The following RAD51B variants were observed in gnomAD, a reference collection of about 807,000 sequenced individuals.
The protein encoded by RAD51B is RAD51 paralog B.
Under a neutral mutation model 42.2 loss-of-function variants are expected in RAD51B, and 38 were observed. That is an observed-to-expected ratio of 0.90 (90% CI 0.70 to 1.18). The LOEUF is 1.18. RAD51B is among the 50% of genes most tolerant of loss of function. RAD51B has a pLI of 0.00. For synonymous variants in RAD51B, 154 were observed against 145.2 expected (o/e 1.06, Z -0.43); for missense variants, 373 against 400.7 (o/e 0.93, Z 0.59).
intron 8 of RAD51B, among the ~76,000 whole-genome samples, chr14:68,311,345 C>T (rs1272461851): frequency 1.3e-5 from 2 of 152,128 alleles, no homozygotes; most frequent in African/African-American, 4.8e-5. Context: ...ATCTGGCCAC[C>T]GTGTTTCTGC....
At chr14:68,529,584 A>G (rs1291845239) in intron 10 of RAD51B, among the ~76,000 whole-genome samples, 1 of 152,210 alleles carries the variant, frequency 6.6e-6, no homozygotes, top group Non-Finnish European at 1.5e-5. Context: ...TGCTTTCACT[A>G]CTAAGGGAGA....
intron 7 of RAD51B, among the ~76,000 whole-genome samples, chr14:68,212,374 A>G (rs1251570205): frequency 1.3e-5 from 2 of 152,184 alleles, no homozygotes; most frequent in Non-Finnish European, 2.9e-5. Flanking sequence ...ATTAAATTAG[A>G]CAATCCATGT....
intron 8 of RAD51B, among the ~76,000 whole-genome samples, chr14:68,378,062 C>T (rs17105501): frequency 0.041 from 6,174 of 152,198 alleles, 148 homozygotes; most frequent in African/African-American, 0.058. Flanking sequence ...CTCAATTTTT[C>T]CCCTTTAAAA....
At chr14:68,494,364 A>G (rs935375715) in intron 10 of RAD51B, among the ~76,000 whole-genome samples, 4 of 151,768 alleles carry the variant, frequency 2.6e-5, no homozygotes, top group Admixed American at 1.3e-4. Context: ...TTTTGTGACT[A>G]TCCTGTGTAC....
At chr14:68,110,584 A>G (rs530290901) in intron 7 of RAD51B, among the ~76,000 whole-genome samples, 1 of 152,202 alleles carries the variant, frequency 6.6e-6, no homozygotes, top group African/African-American at 2.4e-5. Context: ...ATTACTACTT[A>G]TTGAACATAA....
intron 10 of RAD51B, chr14:68,541,516 G>T: frequency 1.0e-6 from 1 of 985,398 alleles, no homozygotes; most frequent in Non-Finnish European, 1.2e-6. Context: ...AGACCACTTT[G>T]CCTTGGAAAC....
At chr14:68,639,820 C>T (rs1038068610) in intron 10 of RAD51B, among the ~76,000 whole-genome samples, 8 of 151,884 alleles carry the variant, frequency 5.3e-5, no homozygotes, top group African/African-American at 9.7e-5. Context: ...GTCAGAGTCT[C>T]GCTTTGTTGT....
At chr14:68,272,981 G>A (rs1395184646) in intron 7 of RAD51B, among the ~76,000 whole-genome samples, 1 of 151,662 alleles carries the variant, frequency 6.6e-6, no homozygotes, top group African/African-American at 2.4e-5. Flanking sequence ...ACTGCGCCTG[G>A]CCCAACACTT....
intron 9 of RAD51B, among the ~76,000 whole-genome samples, chr14:68,446,605 A>T (rs370188150): frequency 2.0e-5 from 3 of 152,318 alleles, no homozygotes; most frequent in African/African-American, 4.8e-5. Context: ...TTTGCTGAAC[A>T]ATAAGAGTTG....
intron 7 of RAD51B, among the ~76,000 whole-genome samples, chr14:68,201,194 G>C (rs1029811616): frequency 3.9e-5 from 6 of 152,060 alleles, no homozygotes; most frequent in Admixed American, 2.6e-4. Context: ...CACTTTAAAA[G>C]CGTGTATGTA....
intron 11 of RAD51B, among the ~76,000 whole-genome samples, chr14:68,669,294 T>C (rs981760709): frequency 6.6e-6 from 1 of 152,212 alleles, no homozygotes; most frequent in African/African-American, 2.4e-5. Context: ...AGGAAATATG[T>C]AGGCCCCCTG....
intron 7 of RAD51B, among the ~76,000 whole-genome samples, chr14:68,094,353 A>C (rs1474455778): frequency 1.3e-5 from 2 of 152,224 alleles, no homozygotes; most frequent in Non-Finnish European, 2.9e-5. Context: ...TTGAGGTAGC[A>C]CATTCACACT....
At chr14:68,122,069 T>C (rs2077661635) in intron 7 of RAD51B, among the ~76,000 whole-genome samples, 1 of 152,086 alleles carries the variant, frequency 6.6e-6, no homozygotes, top group African/African-American at 2.4e-5. Context: ...ATCTTAAGCC[T>C]TATCCAAAAA....
At chr14:68,280,533 G>A (rs2139621680) in intron 7 of RAD51B, among the ~76,000 whole-genome samples, 1 of 152,278 alleles carries the variant, frequency 6.6e-6, no homozygotes, top group East Asian at 1.9e-4. Context: ...ACCTCACTGA[G>A]TTGTGAGGAT....
chr14:68,317,484 A>G (rs2082084831), intron 8 of RAD51B, among the ~76,000 whole-genome samples: 1 of 151,594 alleles, frequency 6.6e-6, no homozygotes. Context: ...GGTCATCAGT[A>G]AAGACTTTCT....
At chr14:68,417,325 G>A (rs894943278) in intron 9 of RAD51B, among the ~76,000 whole-genome samples, 1 of 152,154 alleles carries the variant, frequency 6.6e-6, no homozygotes, top group Admixed American at 6.5e-5. Flanking sequence ...GTGCTGCAGG[G>A]GTAGATGAAA....
chr14:68,353,152 G>A (rs989200002), intron 8 of RAD51B, among the ~76,000 whole-genome samples: 4 of 152,116 alleles, frequency 2.6e-5, no homozygotes, highest in African/African-American at 9.7e-5. Context: ...TCACACCCAG[G>A]AGGAACACAT....
intron 8 of RAD51B, among the ~76,000 whole-genome samples, chr14:68,406,386 C>G (rs1208359041): frequency 6.6e-6 from 1 of 152,176 alleles, no homozygotes; most frequent in Non-Finnish European, 1.5e-5. Flanking sequence ...TGTTGCTGTA[C>G]TGAATACTAT....
chr14:67,956,364 G>C (rs1177490012), intron 7 of RAD51B, among the ~76,000 whole-genome samples: 2 of 152,134 alleles, frequency 1.3e-5, no homozygotes, highest in African/African-American at 4.8e-5. Flanking sequence ...GCGGCCACCT[G>C]TAATCCCAGC....
Sources: gnomAD v4.1 joint callset for allele counts (sites outside exome capture counted in the v4.1 genomes callset) on GRCh38, gnomAD v4.1.1 for gene constraint, MANE v1.5 for transcripts, NCBI Gene and HGNC (gene_info 2026-07-23, HGNC 2026-07-21) for gene names.